The following ETV6 variants were observed in gnomAD, a reference collection of about 807,000 sequenced individuals.
ETV6 encodes ETS variant transcription factor 6, also known as transcription factor ETV6.
In ETV6, 16 loss-of-function variants were observed where a neutral mutation model predicts 51.1. The ratio of observed to expected loss-of-function variants is 0.31; its 90% CI spans 0.21 to 0.48. ETV6 has a LOEUF of 0.48. ETV6 is among the 20% of genes least tolerant of loss of function. The probability of loss-of-function intolerance (pLI) is 0.99; values close to 1 mark genes in which losing one functional copy is unlikely to be tolerated. For synonymous variants in ETV6, 240 were observed against 224.1 expected, an observed-to-expected ratio of 1.07 and a Z score of -0.64; for missense variants, 458 against 594.8, an observed-to-expected ratio of 0.77 and a Z score of 2.39.
intron 1 of ETV6, among the ~76,000 whole-genome samples, chr12:11,687,636 T>A (rs1176778687): frequency 6.6e-6 from 1 of 152,234 alleles, no homozygotes; most frequent in Non-Finnish European, 1.5e-5. Flanking sequence ...AGTACAGTAT[T>A]GTGCAATTAT....
chr12:11,730,670 C>G (rs1865576394), intron 1 of ETV6, among the ~76,000 whole-genome samples: 1 of 152,184 alleles, frequency 6.6e-6, no homozygotes. Context: ...ATGGTTTTGG[C>G]AACTCTCTCC....
At chr12:11,701,757 T>C (rs910727236) in intron 1 of ETV6, among the ~76,000 whole-genome samples, 1 of 152,194 alleles carries the variant, frequency 6.6e-6, no homozygotes, top group African/African-American at 2.4e-5. Context: ...TGGTACCATG[T>C]GCTAGGTGCC....
At chr12:11,737,780 T>G (rs1238485649) in intron 1 of ETV6, among the ~76,000 whole-genome samples, 2 of 152,220 alleles carry the variant, frequency 1.3e-5, no homozygotes, top group Admixed American at 1.3e-4. Context: ...TTAACTCAAC[T>G]GATTTTCTCA....
chr12:11,792,035 GC>G (rs1166270945), intron 2 of ETV6, among the ~76,000 whole-genome samples: 1 of 152,168 alleles, frequency 6.6e-6, no homozygotes, highest in Non-Finnish European at 1.5e-5. Context: ...GAAGCAAGGA[GC>G]CAGCTCTGAG....
At chr12:11,743,562 G>A (rs1311579762) in intron 1 of ETV6, among the ~76,000 whole-genome samples, 6 of 152,118 alleles carry the variant, frequency 3.9e-5, no homozygotes, top group African/African-American at 1.4e-4. Context: ...GTAGTATCAA[G>A]TACAGGGCAT....
chr12:11,657,302 G>T (rs1297066387), intron 1 of ETV6, among the ~76,000 whole-genome samples: 1 of 152,036 alleles, frequency 6.6e-6, no homozygotes, highest in Non-Finnish European at 1.5e-5. Context: ...TTCCATCCTA[G>T]GTCCATGTTC....
chr12:11,818,564 TC>T (rs1946030284), intron 2 of ETV6, among the ~76,000 whole-genome samples: 1 of 151,482 alleles, frequency 6.6e-6, no homozygotes, highest in Non-Finnish European at 1.5e-5. Context: ...TGGGAATGGT[TC>T]TTAAGGAAGA....
rs192524794 is a variant in ETV6 at position 11,880,320 on chromosome 12, G to T, written c.1010-4125G>T. Among the ~76,000 whole-genome samples the T allele has an allele frequency of 2.9e-4, 44 of 152,316 alleles. 1 individual carries two copies. The East Asian group carries it at 6.9e-3, about 24-fold the overall frequency. On this transcript the variant is annotated intron_variant, in intron 5 of 7. Transcript: ENST00000396373. ...ATGATCAATTGGCAGCTTGTTTGGGGTTGTTTTCACATTTATGAAAGGAAA... is the reference window on the plus strand; with the variant it reads ...ATGATCAATTGGCAGCTTGTTTGGGTTTGTTTTCACATTTATGAAAGGAAA...
chr12:11,800,298 T>C (rs1400484595), intron 2 of ETV6, among the ~76,000 whole-genome samples: 1 of 152,218 alleles, frequency 6.6e-6, no homozygotes, highest in African/African-American at 2.4e-5. Context: ...CAGATAAAAG[T>C]CATATGTTTA....
chr12:11,768,507 C>T (rs1392143454), intron 2 of ETV6, among the ~76,000 whole-genome samples: 2 of 152,152 alleles, frequency 1.3e-5, no homozygotes. Context: ...TCTGCCTGCT[C>T]CAAAGCCTGT....
At chr12:11,881,852 G>T (rs7138449) in intron 5 of ETV6, among the ~76,000 whole-genome samples, 8,710 of 152,288 alleles carry the variant, frequency 0.057, 377 homozygotes, top group African/African-American at 0.11. Context: ...TCAAATGCCT[G>T]TAAAACGAGC....
intron 3 of ETV6, among the ~76,000 whole-genome samples, chr12:11,852,574 A>G (rs1340659116): frequency 6.6e-6 from 1 of 152,224 alleles, no homozygotes; most frequent in Non-Finnish European, 1.5e-5. Context: ...AGCATTACAA[A>G]TGTTCTTAAT....
At chr12:11,733,764 T>A (rs1865647921) in intron 1 of ETV6, among the ~76,000 whole-genome samples, 1 of 152,190 alleles carries the variant, frequency 6.6e-6, no homozygotes, top group Non-Finnish European at 1.5e-5. Context: ...GCTACCAATA[T>A]ACACACACCC....
At chr12:11,692,363 A>G (rs1229764873) in intron 1 of ETV6, among the ~76,000 whole-genome samples, 1 of 152,094 alleles carries the variant, frequency 6.6e-6, no homozygotes, top group Non-Finnish European at 1.5e-5. Flanking sequence ...CATAACTGTA[A>G]GAAATAAATT....
At chr12:11,765,978 G>T (rs1049097436) in intron 2 of ETV6, among the ~76,000 whole-genome samples, 1 of 152,132 alleles carries the variant, frequency 6.6e-6, no homozygotes, top group South Asian at 2.1e-4. Context: ...CATGAAAGCC[G>T]CAGGTACTGG....
chr12:11,681,234 G>C (rs1333958556), intron 1 of ETV6, among the ~76,000 whole-genome samples: 2 of 152,168 alleles, frequency 1.3e-5, no homozygotes, highest in Non-Finnish European at 2.9e-5. Flanking sequence ...TTGTTTTTCA[G>C]GGTAATTTTC....
intron 2 of ETV6, among the ~76,000 whole-genome samples, chr12:11,800,784 AAGT>A (rs1435318996): frequency 6.6e-5 from 10 of 152,134 alleles, no homozygotes; most frequent in Non-Finnish European, 1.5e-4. Flanking sequence ...AAGAATTAAA[AAGT>A]AGCCGGGCAT....
At chr12:11,781,589 A>C (rs924898483) in intron 2 of ETV6, among the ~76,000 whole-genome samples, 1 of 152,232 alleles carries the variant, frequency 6.6e-6, no homozygotes, top group African/African-American at 2.4e-5. Context: ...ATGGATAGGC[A>C]GTTATTTTAT....
chr12:11,824,555 G>C (rs1343090721), intron 2 of ETV6, among the ~76,000 whole-genome samples: 1 of 152,174 alleles, frequency 6.6e-6, no homozygotes, highest in Non-Finnish European at 1.5e-5. Flanking sequence ...GAGGCAGGTG[G>C]ATCACCTGAG....
Sources: gnomAD v4.1 joint callset for allele counts (sites outside exome capture counted in the v4.1 genomes callset) on GRCh38, gnomAD v4.1.1 for gene constraint, MANE v1.5 for transcripts, NCBI Gene and HGNC (gene_info 2026-07-23, HGNC 2026-07-21) for gene names.